Variants in CSMD1 observed in about 807,000 individuals in gnomAD.
The protein encoded by CSMD1 is CUB and sushi domain-containing protein 1.
In CSMD1, 213 loss-of-function variants were observed where a neutral mutation model predicts 417.5. That is an observed-to-expected ratio of 0.51 (90% CI 0.46 to 0.57). The LOEUF (loss-of-function observed/expected upper bound fraction) is 0.57, where lower values mean the gene tolerates loss of function less well. Ranked by LOEUF, CSMD1 falls within the 20% of genes least tolerant of loss-of-function variation. The pLI, the probability that CSMD1 is intolerant of heterozygous loss-of-function variation, is 0.00. For missense variants in CSMD1, 6,923 were observed against 4,529.7 expected (o/e 1.53, Z -15.17); for synonymous variants, 2,862 against 1,736.8 (o/e 1.65, Z -16.11).
At chr8:4,844,635 T>G (rs997416307) in intron 1 of CSMD1, among the ~76,000 whole-genome samples, 68 of 152,160 alleles carry the variant, frequency 4.5e-4, no homozygotes, top group African/African-American at 1.5e-3. Flanking sequence ...TTCTAAACAA[T>G]CCATGCAAAA....
At chr8:3,752,377 G>C (rs1268727384) in intron 6 of CSMD1, among the ~76,000 whole-genome samples, 5 of 152,122 alleles carry the variant, frequency 3.3e-5, no homozygotes, top group Non-Finnish European at 7.3e-5. Flanking sequence ...TTTTGGCGCT[G>C]GGTACGGTGG....
chr8:3,181,704 C>T (rs940830757), intron 36 of CSMD1, among the ~76,000 whole-genome samples: 1 of 152,052 alleles, frequency 6.6e-6, no homozygotes, highest in East Asian at 1.9e-4. Context: ...AGTAATGTTC[C>T]CCCTGGATCT....
intron 68 of CSMD1, among the ~76,000 whole-genome samples, chr8:2,943,324 T>C (rs977354483): frequency 9.9e-5 from 15 of 151,792 alleles, no homozygotes; most frequent in Non-Finnish European, 1.8e-4. Flanking sequence ...GTCTCCCAGG[T>C]TCTAGTGATT....
chr8:4,845,810 T>C (rs977230243), intron 1 of CSMD1, among the ~76,000 whole-genome samples: 1 of 152,204 alleles, frequency 6.6e-6, no homozygotes, highest in Non-Finnish European at 1.5e-5. Flanking sequence ...TAAAGACAAT[T>C]GATATTCACA....
chr8:4,618,467 T>C (rs1249877767), intron 2 of CSMD1, among the ~76,000 whole-genome samples: 1 of 151,758 alleles, frequency 6.6e-6, no homozygotes, highest in Non-Finnish European at 1.5e-5. Flanking sequence ...AGGCCTATTT[T>C]ATATTCTTGG....
chr8:4,363,651 C>A (rs1377573990), intron 3 of CSMD1, among the ~76,000 whole-genome samples: 3 of 152,180 alleles, frequency 2.0e-5, no homozygotes, highest in East Asian at 3.9e-4. Context: ...ATACAACTGG[C>A]AGGCAGCCTT....
At chr8:3,976,098 G>A (rs914778621) in intron 5 of CSMD1, among the ~76,000 whole-genome samples, 3 of 151,712 alleles carry the variant, frequency 2.0e-5, no homozygotes, top group Admixed American at 6.6e-5. Context: ...GAACTTGTAA[G>A]AATCTAATAG....
At chr8:4,505,881 C>G (rs1473574403) in intron 2 of CSMD1, among the ~76,000 whole-genome samples, 2 of 151,944 alleles carry the variant, frequency 1.3e-5, no homozygotes, top group Non-Finnish European at 2.9e-5. Flanking sequence ...TCTCCCTAAC[C>G]TCTGCCTCCT....
intron 1 of CSMD1, among the ~76,000 whole-genome samples, chr8:4,917,576 G>C (rs1356864273): frequency 6.6e-6 from 1 of 152,226 alleles, no homozygotes; most frequent in African/African-American, 2.4e-5. Context: ...GGAGGTTGCA[G>C]TGAGCCGAGA....
At position 3,397,768 on chromosome 8, in the gene CSMD1, G is replaced by C. The variant is rs1212451715; in HGVS notation, c.2406-1387C>G. On this transcript the variant is annotated intron_variant, in intron 16 of 69. Transcript: ENST00000635120. ...AAAGTGCCTATTTCAACAGCTGGAA[G>C]ATTTCCAGGATGACGTTGGAAACAG... Among the ~76,000 whole-genome samples, 9 of 152,168 alleles carry C rather than the reference G, an allele frequency of 5.9e-5. No individual in the cohort carries two copies. The East Asian group carries it at 1.7e-3, about 29-fold the overall frequency.
At chr8:4,073,924 C>T (rs1358336537) in intron 3 of CSMD1, among the ~76,000 whole-genome samples, 1 of 152,072 alleles carries the variant, frequency 6.6e-6, no homozygotes, top group Non-Finnish European at 1.5e-5. Flanking sequence ...TTAATCTATA[C>T]AGACGGTTTT....
chr8:3,192,945 A>G (rs574819087), intron 33 of CSMD1, among the ~76,000 whole-genome samples: 3 of 152,316 alleles, frequency 2.0e-5, no homozygotes, highest in East Asian at 3.9e-4. Flanking sequence ...AAGAAAAAAA[A>G]AAAGATATCC....
At chr8:3,745,868 T>C (rs1335506742) in intron 6 of CSMD1, among the ~76,000 whole-genome samples, 1 of 152,222 alleles carries the variant, frequency 6.6e-6, no homozygotes, top group Non-Finnish European at 1.5e-5. Context: ...CACATTATCA[T>C]GTAGGTAATT....
At position 3,772,494 on chromosome 8, in the gene CSMD1, TATAC is replaced by T. The variant is rs1324098834; in HGVS notation, c.819-18456_819-18453del. On this transcript the variant is annotated intron_variant, in intron 5 of 69. Transcript: ENST00000635120. ...ACATATATATACATATATACACATA[TATAC>T]ATATATACACATATATACATATATA... Among the ~76,000 whole-genome samples the T allele has an allele frequency of 3.0e-4, 5 of 16,594 alleles. 1 individual carries two copies. The highest frequency in any genetic ancestry group is 1.9e-3 in the Admixed American group (2 of 1,058). 10.9% of individuals were successfully genotyped at this position (16,594 alleles called of 152,430 possible).
At chr8:4,803,886 G>A (rs1006490667) in intron 1 of CSMD1, among the ~76,000 whole-genome samples, 1 of 152,142 alleles carries the variant, frequency 6.6e-6, no homozygotes, top group African/African-American at 2.4e-5. Flanking sequence ...AGAGCCAAGT[G>A]TTAACTGCCT....
At chr8:3,429,756 G>C (rs1036219274) in intron 12 of CSMD1, among the ~76,000 whole-genome samples, 1 of 152,100 alleles carries the variant, frequency 6.6e-6, no homozygotes, top group African/African-American at 2.4e-5. Context: ...ATGAAATAAA[G>C]TCTATGGTTG....
At chr8:2,956,484 C>T (rs1397899610) in intron 63 of CSMD1, among the ~76,000 whole-genome samples, 4 of 151,534 alleles carry the variant, frequency 2.6e-5, no homozygotes, top group South Asian at 4.2e-4. Context: ...TTTTGAGTCT[C>T]GCTGTGTTGC....
intron 2 of CSMD1, among the ~76,000 whole-genome samples, chr8:4,633,099 G>A (rs1802618527): frequency 6.6e-6 from 1 of 152,158 alleles, no homozygotes; most frequent in South Asian, 2.1e-4. Flanking sequence ...TTCCCGAGAG[G>A]GGAGCCTGGG....
chr8:3,682,975 T>C lies in CSMD1; in HGVS notation c.1009+25439A>G, dbSNP rs554494545. ...AAAACCAAACACTGCATGTTGTCACTCATACGTGGGAACTGAACAATGAGA... is the reference window on the plus strand; with the variant it reads ...AAAACCAAACACTGCATGTTGTCACCCATACGTGGGAACTGAACAATGAGA... On this transcript the variant is annotated intron_variant, in intron 7 of 69. Coordinates refer to ENST00000635120, the MANE Select transcript of CSMD1 (RefSeq NM_033225.6). Among the ~76,000 whole-genome samples the C allele has an allele frequency of 1.0e-3, 156 of 152,158 alleles. 2 individuals carry two copies. The highest frequency in any genetic ancestry group is 1.0e-3 in the Non-Finnish European group (70 of 68,004).
Sources: gnomAD v4.1 joint callset for allele counts (sites outside exome capture counted in the v4.1 genomes callset) on GRCh38, gnomAD v4.1.1 for gene constraint, MANE v1.5 for transcripts, NCBI Gene and HGNC (gene_info 2026-07-23, HGNC 2026-07-21) for gene names.